FNBP1: variants seen among roughly 807,000 people sequenced by gnomAD.
FNBP1 encodes formin-binding protein 1.
FNBP1 carries 26 observed loss-of-function variants against 90.6 expected under a neutral mutation model. That is an observed-to-expected ratio of 0.29 (90% CI 0.21 to 0.40). The LOEUF (loss-of-function observed/expected upper bound fraction) is 0.40, where lower values mean the gene tolerates loss of function less well. Among genes scored for constraint, FNBP1 ranks in the 10% least tolerant of loss-of-function variants. FNBP1 has a pLI of 1.00. For missense variants in FNBP1, 635 were observed against 768.0 expected (o/e 0.83, Z 2.05); for synonymous variants, 260 against 265.2 (o/e 0.98, Z 0.19).
intron 4 of FNBP1, among the ~76,000 whole-genome samples, chr9:129,974,167 C>A (rs2049944308): frequency 6.6e-6 from 1 of 151,976 alleles, no homozygotes; most frequent in African/African-American, 2.4e-5. Flanking sequence ...GATGTTCATA[C>A]TGTTTACTCC....
At chr9:129,953,755 T>G (rs2046514023) in intron 6 of FNBP1, among the ~76,000 whole-genome samples, 1 of 136,110 alleles carries the variant, frequency 7.3e-6, no homozygotes, top group Non-Finnish European at 1.5e-5. Context: ...GGTAAGCATC[T>G]AAAGAAAGAA....
intron 16 of FNBP1, among the ~76,000 whole-genome samples, chr9:129,891,867 C>G (rs778446306): frequency 2.0e-5 from 3 of 152,128 alleles, no homozygotes; most frequent in Non-Finnish European, 4.4e-5. Context: ...TGAAAAGTCA[C>G]TTAAAATACA....
At chr9:130,014,122 C>A in intron 1 of FNBP1, 2 of 453,706 alleles carry the variant, frequency 4.4e-6, no homozygotes, top group South Asian at 1.6e-5. Flanking sequence ...GTAAAAATAA[C>A]AGAATATGTT....
chr9:129,945,229 A>T (rs1318678965), intron 6 of FNBP1, among the ~76,000 whole-genome samples: 1 of 152,230 alleles, frequency 6.6e-6, no homozygotes, highest in African/African-American at 2.4e-5. Context: ...CAGTTATAGC[A>T]ACAATATCCA....
intron 2 of FNBP1, among the ~76,000 whole-genome samples, chr9:129,983,604 A>G (rs769609722): frequency 6.6e-6 from 1 of 152,128 alleles, no homozygotes; most frequent in Non-Finnish European, 1.5e-5. Context: ...GTGGATCGGG[A>G]GTTCGAGACC....
At chr9:129,977,044 T>A (rs1345548729) in intron 4 of FNBP1, among the ~76,000 whole-genome samples, 1 of 151,814 alleles carries the variant, frequency 6.6e-6, no homozygotes, top group Non-Finnish European at 1.5e-5. Flanking sequence ...GGCGGGCACC[T>A]GTAATCTCAG....
intron 4 of FNBP1, among the ~76,000 whole-genome samples, chr9:129,977,415 T>TGAGC (rs1239421697): frequency 6.6e-6 from 1 of 152,042 alleles, no homozygotes; most frequent in Non-Finnish European, 1.5e-5. Flanking sequence ...TAGCAATGAA[T>TGAGC]GAGCTGAGGA....
chr9:129,913,336 CT>C (rs1289732822), intron 11 of FNBP1, among the ~76,000 whole-genome samples: 2 of 152,144 alleles, frequency 1.3e-5, no homozygotes, highest in African/African-American at 2.4e-5. Context: ...ACACATTGTA[CT>C]GATAACTTAT....
chr9:129,963,549 A>G (rs544443802), intron 4 of FNBP1, among the ~76,000 whole-genome samples: 25 of 151,484 alleles, frequency 1.7e-4, no homozygotes, highest in African/African-American at 5.3e-4. Context: ...GAAAACTGCA[A>G]TTATCATCGT....
At chr9:129,918,222 CTTTA>C (rs1455963729) in intron 10 of FNBP1, among the ~76,000 whole-genome samples, 1 of 152,170 alleles carries the variant, frequency 6.6e-6, no homozygotes, top group Non-Finnish European at 1.5e-5. Flanking sequence ...ACAAATTCGA[CTTTA>C]TTTGTGATGG....
chr9:129,950,994 C>T (rs1451460742), intron 6 of FNBP1, among the ~76,000 whole-genome samples: 1 of 133,088 alleles, frequency 7.5e-6, no homozygotes, highest in African/African-American at 2.8e-5. Context: ...TTTTTTGAGA[C>T]TGAGTCTCCC....
intron 12 of FNBP1, among the ~76,000 whole-genome samples, chr9:129,903,835 A>G (rs1006373141): frequency 7.2e-5 from 11 of 152,046 alleles, no homozygotes; most frequent in African/African-American, 2.4e-5. Flanking sequence ...CTGGCTTCAA[A>G]ACCCAAGTAT....
rs1395043443 is a variant in FNBP1 at position 129,895,958 on chromosome 9, T to C, written c.1726A>G (p.Thr576Ala). ...EGTISVVEGETLYVIEEDKGD... is the reference protein window; with the variant it reads ...EGTISVVEGEALYVIEEDKGD... ...TTGTCTTCCTCTATGACATACAATG[T>C]TTCTCCTTCAACTACGGAAATCGTT... The change falls in exon 16 of 17, where the codon ACA (threonine) becomes GCA (alanine). Residue 576 changes from threonine (T) to alanine (A), a missense_variant. Transcript: ENST00000446176. The C allele has an allele frequency of 1.9e-6, 3 of 1,611,136 alleles. No homozygotes were observed. The highest frequency in any genetic ancestry group is 1.7e-6 in the Non-Finnish European group (2 of 1,179,120).
chr9:129,958,590 C>T (rs12115844), intron 4 of FNBP1, 37 bp from the exon 5 acceptor site: 92,886 of 1,526,638 alleles, frequency 0.061, 3,051 homozygotes, highest in Middle Eastern at 0.084. Context: ...TTAGTACCCT[C>T]TGCTTCTCTT....
In FNBP1 at chr9:129,917,098, C is replaced by T. The variant is rs113185378; in HGVS notation, c.1171-1118G>A. Among the ~76,000 whole-genome samples, 387 of 152,192 alleles carry T rather than the reference C, an allele frequency of 2.5e-3. 2 individuals are homozygous for T. The highest frequency in any genetic ancestry group is 8.1e-3 in the South Asian group (39 of 4,820). On this transcript the variant is annotated intron_variant, in intron 10 of 16. Coordinates refer to ENST00000446176, the MANE Select transcript of FNBP1 (RefSeq NM_015033.3). The stretch of plus-strand genomic sequence containing the variant: ...CGTAATCTCGGCTCACTGCCACCTC[C>T]GCCTCCCAGGTTCAAGCGATTTTCC...
chr9:129,937,754 T>C (rs2043701397), intron 6 of FNBP1, among the ~76,000 whole-genome samples: 1 of 151,656 alleles, frequency 6.6e-6, no homozygotes, highest in South Asian at 2.1e-4. Flanking sequence ...ATTTTTAAAG[T>C]TTATCAGAGT....
chr9:129,997,006 T>C (rs2131352188), intron 1 of FNBP1, among the ~76,000 whole-genome samples: 1 of 152,072 alleles, frequency 6.6e-6, no homozygotes, highest in South Asian at 2.1e-4. Context: ...GCCTGTTTTT[T>C]TTTAAAACCA....
At chr9:129,932,382 T>G (rs2042902424) in intron 6 of FNBP1, among the ~76,000 whole-genome samples, 1 of 152,148 alleles carries the variant, frequency 6.6e-6, no homozygotes. Context: ...ATTGGCTTTT[T>G]TTTTCATGTC....
chr9:129,983,278 A>G (rs1431993380), intron 2 of FNBP1, among the ~76,000 whole-genome samples: 3 of 152,202 alleles, frequency 2.0e-5, no homozygotes, highest in Non-Finnish European at 2.9e-5. Flanking sequence ...AAGACCATCG[A>G]GTTCTGATGA....
Sources: gnomAD v4.1 joint callset for allele counts (sites outside exome capture counted in the v4.1 genomes callset) on GRCh38, gnomAD v4.1.1 for gene constraint, MANE v1.5 for transcripts, NCBI Gene and HGNC (gene_info 2026-07-23, HGNC 2026-07-21) for gene names.